The following CADPS2 variants were observed in gnomAD, a reference collection of about 807,000 sequenced individuals.
CADPS2 encodes calcium-dependent secretion activator 2.
CADPS2 carries 93 observed loss-of-function variants against 172.5 expected under a neutral mutation model. That is an observed-to-expected ratio of 0.54 (90% CI 0.46 to 0.64). CADPS2 has a LOEUF of 0.64. Among genes scored for constraint, CADPS2 ranks in the 30% least tolerant of loss-of-function variants. The pLI, the probability that CADPS2 is intolerant of heterozygous loss-of-function variation, is 0.00. For missense variants in CADPS2, 1,420 were observed against 1,565.9 expected (o/e 0.91, Z 1.57); for synonymous variants, 546 against 555.2 (o/e 0.98, Z 0.23).
intron 1 of CADPS2, among the ~76,000 whole-genome samples, chr7:122,761,504 T>C (rs1446019665): frequency 6.6e-6 from 1 of 152,142 alleles, no homozygotes; most frequent in Non-Finnish European, 1.5e-5. Flanking sequence ...AAGGATTGTC[T>C]GAGAAGTATG....
chr7:122,700,399 A>G (rs1020131877), intron 2 of CADPS2, among the ~76,000 whole-genome samples: 24 of 152,172 alleles, frequency 1.6e-4, no homozygotes, highest in African/African-American at 5.3e-4. Context: ...GATATAAAAC[A>G]TACCCATAAA....
In CADPS2 at chr7:122,320,005, C is replaced by A; in HGVS notation, c.*160G>T. 1.5e-6 allele frequency: 1 copy of A among 666,064 alleles called. No homozygotes were observed. The allele number at this position is 666,064 out of a possible 1,614,324, so 41.3% of individuals were successfully genotyped here. ...AAACAAAAAAACCCCAAAATCTTGG[C>A]ATTTCCCCTTTTACTCTACATTCAG... is the stretch of plus-strand genomic sequence containing the variant. On this transcript the variant is annotated 3_prime_UTR_variant, in exon 30 of 30. Coordinates refer to ENST00000449022, the MANE Select transcript of CADPS2 (RefSeq NM_017954.11).
intron 6 of CADPS2, among the ~76,000 whole-genome samples, chr7:122,589,752 T>C (rs997730448): frequency 1.3e-5 from 2 of 151,882 alleles, no homozygotes; most frequent in African/African-American, 4.8e-5. Context: ...ATAGAAACTG[T>C]TGTATAAACT....
At chr7:122,326,939 T>C (rs1246747824) in intron 28 of CADPS2, among the ~76,000 whole-genome samples, 1 of 152,098 alleles carries the variant, frequency 6.6e-6, no homozygotes, top group East Asian at 1.9e-4. Context: ...ATAACTGATA[T>C]ACTAAATAAT....
intron 15 of CADPS2, among the ~76,000 whole-genome samples, chr7:122,450,271 T>C (rs888216545): frequency 1.2e-4 from 19 of 152,220 alleles, no homozygotes; most frequent in South Asian, 4.1e-4. Flanking sequence ...GCATATTCAC[T>C]AAGTTTATTT....
intron 1 of CADPS2, among the ~76,000 whole-genome samples, chr7:122,774,269 TACAC>T (rs56843003): frequency 0.15 from 21,254 of 142,876 alleles, 1,575 homozygotes; most frequent in Non-Finnish European, 0.17. Flanking sequence ...TAGATAGATA[TACAC>T]ACACACACAC....
intron 1 of CADPS2, among the ~76,000 whole-genome samples, chr7:122,814,339 A>G (rs757695288): frequency 1.3e-5 from 2 of 152,088 alleles, no homozygotes; most frequent in Admixed American, 6.6e-5. Context: ...CAAAACAAAC[A>G]GATTTTTGAT....
chr7:122,603,532 A>T (rs1053144530), intron 6 of CADPS2, among the ~76,000 whole-genome samples: 10 of 152,068 alleles, frequency 6.6e-5, no homozygotes, highest in Non-Finnish European at 1.3e-4. Context: ...CCTGAAGAAT[A>T]TAACGATTGG....
chr7:122,390,469 A>G (rs963802712), intron 22 of CADPS2, among the ~76,000 whole-genome samples: 1 of 152,108 alleles, frequency 6.6e-6, no homozygotes, highest in Non-Finnish European at 1.5e-5. Flanking sequence ...CTTTGGAGAA[A>G]TGTAACTATT....
At chr7:122,703,523 A>ATCTTCTGG (rs1178077222) in intron 2 of CADPS2, among the ~76,000 whole-genome samples, 1 of 152,134 alleles carries the variant, frequency 6.6e-6, no homozygotes, top group Non-Finnish European at 1.5e-5. Context: ...ATACAGTCCC[A>ATCTTCTGG]TCTTCTGGTA....
At chr7:122,650,079 T>A (rs1454419736) in intron 3 of CADPS2, among the ~76,000 whole-genome samples, 1 of 151,338 alleles carries the variant, frequency 6.6e-6, no homozygotes, top group East Asian at 1.9e-4. Context: ...TGGCTAATTT[T>A]TTTGTATTTT....
At chr7:122,576,274 G>A (rs2068022787) in intron 7 of CADPS2, among the ~76,000 whole-genome samples, 1 of 152,148 alleles carries the variant, frequency 6.6e-6, no homozygotes, top group Non-Finnish European at 1.5e-5. Flanking sequence ...TCATAATAGA[G>A]AGCATAGGAT....
At chr7:122,653,126 G>C (rs1554693319) in intron 3 of CADPS2, among the ~76,000 whole-genome samples, 1 of 152,112 alleles carries the variant, frequency 6.6e-6, no homozygotes, top group Non-Finnish European at 1.5e-5. Flanking sequence ...TTTCCTTCTT[G>C]AGTTGCCAGA....
chr7:122,605,138 A>G (rs1006778564), intron 6 of CADPS2, among the ~76,000 whole-genome samples: 4 of 152,186 alleles, frequency 2.6e-5, no homozygotes, highest in African/African-American at 9.6e-5. Flanking sequence ...AACAATACAA[A>G]TGGTAAACAT....
intron 25 of CADPS2, among the ~76,000 whole-genome samples, chr7:122,367,061 T>C (rs1205002157): frequency 6.6e-6 from 1 of 152,172 alleles, no homozygotes; most frequent in Non-Finnish European, 1.5e-5. Flanking sequence ...GCTCCTAATA[T>C]CGTATGCTAT....
chr7:122,498,527 AT>A (rs1254515163), intron 9 of CADPS2, among the ~76,000 whole-genome samples: 2 of 151,772 alleles, frequency 1.3e-5, no homozygotes, highest in Non-Finnish European at 2.9e-5. Flanking sequence ...CTTTATGTAT[AT>A]TTTTTTCACC....
intron 1 of CADPS2, among the ~76,000 whole-genome samples, chr7:122,862,561 G>A (rs1191626853): frequency 5.3e-5 from 8 of 152,006 alleles, no homozygotes; most frequent in African/African-American, 1.9e-4. Flanking sequence ...TCTGCCCACT[G>A]AGCCTTAAGA....
chr7:122,622,870 C>T (rs2075740826), intron 4 of CADPS2, among the ~76,000 whole-genome samples: 1 of 152,154 alleles, frequency 6.6e-6, no homozygotes, highest in South Asian at 2.1e-4. Context: ...AAGCATCCAG[C>T]ATGCTCTTGT....
At chr7:122,784,438 T>C (rs1446597944) in intron 1 of CADPS2, among the ~76,000 whole-genome samples, 1 of 152,246 alleles carries the variant, frequency 6.6e-6, no homozygotes, top group African/African-American at 2.4e-5. Flanking sequence ...CCTCTTCATG[T>C]TTTCCCACCT....
Sources: allele counts gnomAD v4.1 joint callset (sites outside exome capture counted in the v4.1 genomes callset), GRCh38; gene constraint gnomAD v4.1.1; transcripts MANE v1.5; gene names NCBI Gene and HGNC (gene_info 2026-07-23, HGNC 2026-07-21).